The following RAB19 variants were observed in gnomAD, a reference collection of about 807,000 sequenced individuals.
RAB19 encodes the protein RAB19, member RAS oncogene family, also known as ras-related protein Rab-19.
Under a neutral mutation model 17.3 loss-of-function variants are expected in RAB19, and 21 were observed. That is an observed-to-expected ratio of 1.21 (90% confidence interval 0.86 to 1.74). RAB19 has a LOEUF of 1.74. RAB19 is among the 40% of genes most tolerant of loss of function. The pLI is 0.00. For synonymous variants in RAB19, 126 were observed against 110.4 expected (o/e 1.14, Z -0.88); for missense variants, 277 against 286.8 (o/e 0.97, Z 0.25).
intron 3 of RAB19, among the ~76,000 whole-genome samples, chr7:140,418,396 CAAAAAAAAAAAAAAA>C (rs140238398): frequency 4.3e-5 from 3 of 70,372 alleles, no homozygotes; most frequent in Admixed American, 3.6e-4. Context: ...TGCTAAAATA[CAAAAAAAAAAAAAAA>C]AAAAAAAAAA....
At chr7:140,424,639 A>ATGTGTG (rs1554442795) in intron 3 of RAB19, among the ~76,000 whole-genome samples, 284 of 138,360 alleles carry the variant, frequency 2.1e-3, no homozygotes, top group East Asian at 0.016. Flanking sequence ...ATATATATAT[A>ATGTGTG]TGTGTGTGTG....
chr7:140,412,279 G>C (rs895497099), intron 3 of RAB19, among the ~76,000 whole-genome samples: 1 of 151,946 alleles, frequency 6.6e-6, no homozygotes, highest in East Asian at 1.9e-4. Context: ...GTGAAACCCC[G>C]TCTCTACTAA....
chr7:140,425,719 C>T (rs564581743), intron 3 of RAB19, among the ~76,000 whole-genome samples, 163 bp from the exon 4 acceptor site: 1 of 140,382 alleles, frequency 7.1e-6, no homozygotes, highest in South Asian at 2.1e-4. Context: ...AGTGAAACTC[C>T]ATCTCAAAAA....
intron 1 of RAB19, among the ~76,000 whole-genome samples, chr7:140,406,857 T>C (rs1367069262): frequency 6.6e-6 from 1 of 151,812 alleles, no homozygotes; most frequent in Non-Finnish European, 1.5e-5. Context: ...CGTTGCTAGC[T>C]ACCTGGATGG....
At position 140,412,020 on chromosome 7, in the gene RAB19, G is replaced by A. The variant is rs1434617583; in HGVS notation, c.348G>A (p.Glu116=). 2 of 1,613,444 alleles carry A rather than the reference G, an allele frequency of 1.2e-6. No homozygotes were observed. Among genetic ancestry groups the A allele is most frequent in the African/African-American group, 2.7e-5 (2 of 74,938 alleles). The change falls in exon 3 of 4, where the codon GAG becomes GAA. Residue 116 remains glutamate (E), a synonymous_variant. Transcript: ENST00000537763. ...ESIPHWIHEI[E]KYGAANVVIM... is the part of the protein sequence containing the mutation. ...TCCCTCACTGGATTCATGAGATAGA[G>A]AAATATGGAGCTGCAAATGTGGTCA...
intron 3 of RAB19, among the ~76,000 whole-genome samples, chr7:140,420,117 AG>A (rs1359122428): frequency 1.3e-5 from 2 of 152,074 alleles, no homozygotes; most frequent in Non-Finnish European, 2.9e-5. Context: ...AACAGCTGTG[AG>A]GGATAAAGAA....
intron 1 of RAB19, among the ~76,000 whole-genome samples, chr7:140,404,788 T>C (rs1402018617): frequency 6.6e-6 from 1 of 152,144 alleles, no homozygotes; most frequent in Non-Finnish European, 1.5e-5. Context: ...CCGAACACAC[T>C]CTCAGGAAGA....
intron 2 of RAB19, chr7:140,410,903 G>A (rs560869045): frequency 1.5e-6 from 2 of 1,363,902 alleles, no homozygotes; most frequent in Admixed American, 3.8e-5. Context: ...CCGCTTGGGT[G>A]GCTAATTTGG....
At chr7:140,425,824 T>C (rs1585436931) in intron 3 of RAB19, 58 bp from the exon 4 acceptor site, 2 of 1,534,994 alleles carry the variant, frequency 1.3e-6, no homozygotes, top group East Asian at 4.5e-5. Flanking sequence ...TAAAGTTCAT[T>C]TTGAAAGAAA....
intron 3 of RAB19, among the ~76,000 whole-genome samples, chr7:140,424,682 T>TATATAC (rs1198729969): frequency 2.2e-3 from 202 of 91,986 alleles, no homozygotes; most frequent in African/African-American, 9.0e-3. Flanking sequence ...TATATATATA[T>TATATAC]ACACATATCT....
At chr7:140,414,622 A>T (rs1585422599) in intron 3 of RAB19, among the ~76,000 whole-genome samples, 1 of 152,284 alleles carries the variant, frequency 6.6e-6, no homozygotes, top group East Asian at 1.9e-4. Context: ...CCAGTTTATA[A>T]GGTGTCCATG....
In RAB19 at chr7:140,411,882, G is replaced by A. The variant is rs1427686295; in HGVS notation, c.210G>A (p.Val70=). 1.2e-6 allele frequency: 2 copies of A among 1,614,084 alleles called. No homozygotes were observed. The highest frequency in any genetic ancestry group is 1.1e-5 in the South Asian group (1 of 91,090). Residue 70 remains valine (V), a synonymous_variant, in exon 3 of 4, where the codon GTG becomes GTA. Coordinates refer to ENST00000537763, the MANE Select transcript of RAB19 (RefSeq NM_001008749.3). ...TTCCTGTCCTTCTCCAGATGCAGGT[G>A]TGGGACACAGCTGGCCAGGAGCGCT... is the stretch of plus-strand genomic sequence containing the variant. ...DIDGKKVKMQ[V]WDTAGQERFR...
intron 2 of RAB19, among the ~76,000 whole-genome samples, chr7:140,410,162 C>T (rs1020953437): frequency 1.3e-5 from 2 of 151,564 alleles, no homozygotes; most frequent in South Asian, 4.1e-4. Context: ...GACAGGGTCT[C>T]ACTTTGTTGC....
At chr7:140,416,319 A>C (rs2130130934) in intron 3 of RAB19, among the ~76,000 whole-genome samples, 1 of 151,998 alleles carries the variant, frequency 6.6e-6, no homozygotes, top group African/African-American at 2.4e-5. Flanking sequence ...CAAGAACAAA[A>C]CTCTGTCTAA....
intron 3 of RAB19, among the ~76,000 whole-genome samples, chr7:140,412,388 G>T (rs2130113682): frequency 6.6e-6 from 1 of 152,200 alleles, no homozygotes; most frequent in Admixed American, 6.5e-5. Context: ...GGAGGCAGAG[G>T]TTGCAGTGAG....
chr7:140,418,093 T>C (rs1799492116), intron 3 of RAB19, among the ~76,000 whole-genome samples: 1 of 152,164 alleles, frequency 6.6e-6, no homozygotes, highest in East Asian at 1.9e-4. Flanking sequence ...TCTTTGGGGA[T>C]CATTATGATC....
At chr7:140,422,756 T>C (rs887415709) in intron 3 of RAB19, among the ~76,000 whole-genome samples, 7 of 151,984 alleles carry the variant, frequency 4.6e-5, no homozygotes, top group Non-Finnish European at 7.4e-5. Flanking sequence ...CAGTGAGCTA[T>C]GATCATGCTA....
At chr7:140,425,388 G>A (rs895939993) in intron 3 of RAB19, among the ~76,000 whole-genome samples, 2 of 152,032 alleles carry the variant, frequency 1.3e-5, no homozygotes, top group Non-Finnish European at 2.9e-5. Flanking sequence ...ATCTCACACA[G>A]CATCCAACAC....
intron 3 of RAB19, among the ~76,000 whole-genome samples, chr7:140,415,777 C>T (rs56326851): frequency 3.2e-4 from 49 of 151,008 alleles, no homozygotes; most frequent in Admixed American, 1.7e-3. Flanking sequence ...TGGTGGTGCA[C>T]GCCTGGAGTC....
Sources: allele counts gnomAD v4.1 joint callset (sites outside exome capture counted in the v4.1 genomes callset), GRCh38; gene constraint gnomAD v4.1.1; transcripts MANE v1.5; gene names NCBI Gene and HGNC (gene_info 2026-07-23, HGNC 2026-07-21).